PTPN23: variants seen among roughly 807,000 people sequenced by gnomAD.
PTPN23 encodes tyrosine-protein phosphatase non-receptor type 23.
Under a neutral mutation model 156.3 loss-of-function variants are expected in PTPN23, and 72 were observed. The observed-to-expected ratio is 0.46, with a 90% CI of 0.38 to 0.56. PTPN23 has a LOEUF of 0.56. Among genes scored for constraint, PTPN23 ranks in the 20% least tolerant of loss-of-function variants. The pLI is 0.00. For synonymous variants in PTPN23, 957 were observed against 899.6 expected, an observed-to-expected ratio of 1.06 and a Z score of -1.14; for missense variants, 1,974 against 2,171.5, an observed-to-expected ratio of 0.91 and a Z score of 1.81.
rs1325016732 is a variant in PTPN23, at chr3:47,409,966, C to T, written c.2168C>T (p.Pro723Leu). ...KKKPPPRPTA[P>L]KPLLPRREES... is the part of the protein sequence containing the mutation. ...AAGCCGCCGCCACGGCCCACAGCCC[C>T]AAAGCCGCTGCTGCCCCGCAGGGAG... Residue 723 changes from proline to leucine, a missense_variant, in exon 20 of 25, where the codon CCA becomes CTA. Physicochemically the swap from Pro to Leu is moderately conservative, Grantham distance 98. Coordinates refer to ENST00000265562, the MANE Select transcript of PTPN23 (RefSeq NM_015466.4). 1.9e-6 allele frequency: 3 copies of T among 1,580,680 alleles called. No homozygotes were observed. Among genetic ancestry groups the T allele is most frequent in the South Asian group, 2.3e-5 (2 of 85,966 alleles).
chr3:47,382,824 G>T (rs1283064322), intron 1 of PTPN23, among the ~76,000 whole-genome samples: 1 of 151,144 alleles, frequency 6.6e-6, no homozygotes, highest in African/African-American at 2.4e-5. Flanking sequence ...AAGTAGCTGG[G>T]ACTACAGGCA....
intron 1 of PTPN23, among the ~76,000 whole-genome samples, chr3:47,395,120 C>G (rs1031713992): frequency 1.3e-5 from 2 of 152,208 alleles, no homozygotes; most frequent in African/African-American, 4.8e-5. Flanking sequence ...CTTCCCGGTT[C>G]CCATGTGGCT....
intron 1 of PTPN23, among the ~76,000 whole-genome samples, chr3:47,395,495 A>G (rs1176068018): frequency 6.6e-6 from 1 of 152,156 alleles, no homozygotes; most frequent in Non-Finnish European, 1.5e-5. Context: ...CTCACTGTCC[A>G]AGACAGTCTG....
intron 2 of PTPN23, among the ~76,000 whole-genome samples, chr3:47,404,293 A>G (rs965364725): frequency 5.3e-5 from 8 of 152,032 alleles, no homozygotes; most frequent in Non-Finnish European, 8.8e-5. Context: ...TTAGCCAGGC[A>G]TGGTGGCGTG....
At chr3:47,402,689 G>A (rs1292057995) in intron 2 of PTPN23, among the ~76,000 whole-genome samples, 3 of 152,096 alleles carry the variant, frequency 2.0e-5, no homozygotes, top group African/African-American at 7.2e-5. Flanking sequence ...TTTTGTTTAT[G>A]TACCTATTTG....
Position 47,408,941 on chromosome 3 carries a change from C to A in PTPN23, c.1496C>A (p.Ala499Asp). Residue 499 changes from alanine to aspartate, a missense_variant, in exon 16 of 25, where the codon GCC (alanine) becomes GAC (aspartate). By Grantham distance (126) the Ala-to-Asp change is moderately radical. Coordinates refer to ENST00000265562, the MANE Select transcript of PTPN23 (RefSeq NM_015466.4). The part of the protein sequence containing the change: ...AELAEVRREW[A>D]KYMEVHEKAS... ...CTGGCAGAGGTGAGGCGAGAATGGGCCAAGTACATGGAAGTCCATGAGAAG... is the reference window on the plus strand; with the variant it reads ...CTGGCAGAGGTGAGGCGAGAATGGGACAAGTACATGGAAGTCCATGAGAAG... 6.2e-7 allele frequency: 1 copy of A among 1,614,216 alleles called. No homozygotes were observed. The highest frequency in any genetic ancestry group is 8.5e-7 in the Non-Finnish European group (1 of 1,180,034).
At chr3:47,387,154 G>A (rs1284954707) in intron 1 of PTPN23, among the ~76,000 whole-genome samples, 1 of 152,174 alleles carries the variant, frequency 6.6e-6, no homozygotes, top group Non-Finnish European at 1.5e-5. Context: ...GCCTATGGCG[G>A]TTTTCTTTCA....
chr3:47,383,533 C>G (rs190579464), intron 1 of PTPN23, among the ~76,000 whole-genome samples: 1 of 152,336 alleles, frequency 6.6e-6, no homozygotes, highest in East Asian at 1.9e-4. Context: ...CAGAGCCTAA[C>G]AGTGTACCCT....
chr3:47,412,125 C>T lies in PTPN23; in HGVS notation c.4105C>T (p.Arg1369Cys), dbSNP rs992872002. Residue 1369 changes from arginine (R) to cysteine (C), a missense_variant, in exon 22 of 25, where the codon CGC becomes TGC. By Grantham distance (180) the Arg-to-Cys change is radical. This residue lies in a region of PTPN23 where 484 missense variants were observed against 516.0 expected (regional missense o/e 0.94). Coordinates refer to ENST00000265562, the MANE Select transcript of PTPN23 (RefSeq NM_015466.4). Reference protein sequence around the residue: ...GLPDSPSNLLRFIQEVHAHYL... With the variant: ...GLPDSPSNLLCFIQEVHAHYL... Reference sequence around the variant, plus strand: ...GCCCGACAGCCCCAGCAACTTGCTGCGCTTCATCCAGGAGGTGCACGCACA... The same window carrying T: ...GCCCGACAGCCCCAGCAACTTGCTGTGCTTCATCCAGGAGGTGCACGCACA... The T allele has an allele frequency of 2.1e-5, 34 of 1,613,000 alleles. No individual in the cohort carries two copies. The highest frequency in any genetic ancestry group is 3.3e-4 in the Middle Eastern group (2 of 6,084).
chr3:47,395,648 C>T (rs981019276), intron 1 of PTPN23, among the ~76,000 whole-genome samples: 34 of 152,348 alleles, frequency 2.2e-4, no homozygotes, highest in African/African-American at 7.2e-4. Flanking sequence ...GAGGACACTG[C>T]AGATCACATG....
rs555713736 is a variant in PTPN23 at position 47,406,958 on chromosome 3, C to T, written c.808-172C>T. 1.3e-5 allele frequency among the ~76,000 whole-genome samples: 2 copies of T among 152,250 alleles called. No individual in the cohort carries two copies. On this transcript the variant is annotated intron_variant, in intron 9 of 24. Transcript: ENST00000265562. This position sits in a 1 kb window ranked among gnomAD's most constrained non-coding sequence, Gnocchi z 5.8. ...GAGGTGGGGCAGGCTCCCTACAGAG[C>T]AGGTGGCTGGGGCAGGGTGTGGCGC...
Position 47,409,694 on chromosome 3 carries a change from A to G in PTPN23, c.1989A>G (p.Glu663=). Residue 663 remains glutamate, a synonymous_variant, in exon 19 of 25, where the codon GAA becomes GAG. Coordinates refer to ENST00000265562, the MANE Select transcript of PTPN23 (RefSeq NM_015466.4). ...TGCAGACCCTGGTGGCCTCGTATGA[A>G]GCCTATGAGGACCTGATGAAGAAGT... ...STLQTLVASY[E]AYEDLMKKSQ... is the part of the protein sequence containing the mutation. The G allele has an allele frequency of 1.9e-6, 3 of 1,609,742 alleles. No individual in the cohort carries two copies. The highest frequency in any genetic ancestry group is 2.5e-6 in the Non-Finnish European group (3 of 1,179,838).
intron 1 of PTPN23, among the ~76,000 whole-genome samples, chr3:47,390,660 CT>C (rs1400888327): frequency 6.6e-6 from 1 of 152,148 alleles, no homozygotes. Context: ...CCTCTTTCTT[CT>C]TTTTTAGTGG....
At position 47,412,741 on chromosome 3, in the gene PTPN23, C is replaced by T. The variant is rs1472319538; in HGVS notation, c.4467C>T (p.Leu1489=). ...HLPQDSQDLV[L]GGDVPISSIQ... The stretch of plus-strand genomic sequence containing the variant: ...CTCAGGACTCCCAGGACCTGGTCCT[C>T]GGTGGGGATGTGCCCATCAGCTCCA... Residue 1489 remains leucine, a synonymous_variant, in exon 25 of 25, where the codon CTC becomes CTT. Transcript: ENST00000265562. 3.7e-5 allele frequency: 59 copies of T among 1,603,424 alleles called. No individual in the cohort carries two copies. Among genetic ancestry groups the T allele is most frequent in the Non-Finnish European group, 4.5e-5 (53 of 1,172,896 alleles).
In PTPN23 at chr3:47,406,866, C is replaced by G. The variant is rs1705138533; in HGVS notation, c.807+116C>G. ...CTTCTCTGTCTCACCCTGGCCATCA[C>G]CCTGCTGGAGGCCTGGTGTCTTAAG... On this transcript the variant is annotated intron_variant, in intron 9 of 24. Transcript: ENST00000265562. The surrounding 1 kb of genome is among the most constrained non-coding windows in gnomAD (Gnocchi z 5.8). The G allele has an allele frequency of 7.3e-7, 1 of 1,373,424 alleles. No homozygotes were observed. Among genetic ancestry groups the G allele is most frequent in the South Asian group, 1.3e-5 (1 of 78,044 alleles). The allele number at this position is 1,373,424 out of a possible 1,614,324, so 85.1% of individuals were successfully genotyped here.
At chr3:47,384,239 C>T (rs943050555) in intron 1 of PTPN23, among the ~76,000 whole-genome samples, 4 of 151,468 alleles carry the variant, frequency 2.6e-5, no homozygotes, top group Admixed American at 1.3e-4. Context: ...GAGGCCGAGG[C>T]GGGCAGATCA....
chr3:47,395,508 C>T (rs1011656568), intron 1 of PTPN23, among the ~76,000 whole-genome samples: 9 of 152,208 alleles, frequency 5.9e-5, no homozygotes, highest in African/African-American at 2.2e-4. Flanking sequence ...ACAGTCTGCT[C>T]TGGAGGTGGT....
Position 47,409,465 on chromosome 3 carries a change from C to T in PTPN23, c.1846C>T (p.Leu616=), listed in dbSNP as rs765778993. 4.5e-5 allele frequency: 72 copies of T among 1,614,154 alleles called. 2 individuals carry two copies. The Middle Eastern group carries it at 5.1e-3, about 115-fold the overall frequency. ...LKKYDQLKVY[L]EQNLAAQDRV... ...AAAGTATGACCAGCTGAAGGTGTACCTGGAGCAGAACCTGGCCGCCCAGGA... is the reference window on the plus strand; with the variant it reads ...AAAGTATGACCAGCTGAAGGTGTACTTGGAGCAGAACCTGGCCGCCCAGGA... Residue 616 remains leucine (L), a synonymous_variant, in exon 18 of 25, where the codon CTG becomes TTG. Transcript: ENST00000265562.
At position 47,410,489 on chromosome 3, in the gene PTPN23, ACG is replaced by A. The variant is rs1705248393; in HGVS notation, c.2692_2693del (p.Arg898AlafsTer31). On this transcript the variant is annotated frameshift_variant, in exon 20 of 25. Coordinates refer to ENST00000265562, the MANE Select transcript of PTPN23 (RefSeq NM_015466.4). LOFTEE classifies it high-confidence loss of function. Reference sequence around the variant, plus strand: ...CGCCCATCCCCAGCCACACAGCCCCACGGCCAAACCCCACCCCTGCTCCTCCC... The same window carrying A: ...CGCCCATCCCCAGCCACACAGCCCCAGCCAAACCCCACCCCTGCTCCTCCC... ...QAPIPSHTAP[R>X]PNPTPAPPPP... 6.2e-7 allele frequency: 1 copy of A among 1,603,268 alleles called. No homozygotes were observed. The highest frequency in any genetic ancestry group is 1.1e-5 in the South Asian group (1 of 90,090).
Sources: gnomAD v4.1 joint callset for allele counts (sites outside exome capture counted in the v4.1 genomes callset) on GRCh38, gnomAD v4.1.1 for gene constraint, gnomAD v4.1.1 regional missense constraint, Gnocchi (gnomAD v3.1) non-coding constraint, MANE v1.5 for transcripts, NCBI Gene and HGNC (gene_info 2026-07-23, HGNC 2026-07-21) for gene names.